The following MGRN1 variants were observed in gnomAD, a reference collection of about 807,000 sequenced individuals.
The protein encoded by MGRN1 is mahogunin ring finger 1, also known as E3 ubiquitin-protein ligase MGRN1.
In MGRN1, 29 loss-of-function variants were observed where a neutral mutation model predicts 69.2. That is an observed-to-expected ratio of 0.42 (90% CI 0.31 to 0.57). The LOEUF is 0.57. Among genes scored for constraint, MGRN1 ranks in the 20% least tolerant of loss-of-function variants. The pLI is 0.15. For missense variants in MGRN1, 998 were observed against 796.2 expected (o/e 1.25, Z -3.05); for synonymous variants, 470 against 344.2 (o/e 1.37, Z -4.04).
intron 1 of MGRN1, among the ~76,000 whole-genome samples, chr16:4,641,962 T>C (rs2078169070): frequency 6.6e-6 from 1 of 152,044 alleles, no homozygotes; most frequent in Non-Finnish European, 1.5e-5. Context: ...GCCTGGATTC[T>C]CTGTGAGGTG....
intron 1 of MGRN1, among the ~76,000 whole-genome samples, chr16:4,635,191 C>T (rs558614689): frequency 2.6e-5 from 4 of 152,112 alleles, no homozygotes; most frequent in Non-Finnish European, 4.4e-5. Context: ...GCAGGCGGAT[C>T]ACTTGAGGTC....
rs556662537 is a variant in MGRN1 at position 4,629,664 on chromosome 16, G to A, written c.88+4616G>A. Among the ~76,000 whole-genome samples, 64 of 151,924 alleles carry A rather than the reference G, an allele frequency of 4.2e-4. 2 individuals carry two copies. In the South Asian group the frequency reaches 0.013, roughly 31 times the overall value. ...TGAGGCAGGAGAATTGTTTGAACCC[G>A]GGAGGCGGGGGTTGCAGTGAGCCTA... On this transcript the variant is annotated intron_variant, in intron 1 of 16. Coordinates refer to ENST00000262370, the MANE Select transcript of MGRN1 (RefSeq NM_015246.4).
At chr16:4,687,541 C>CA in intron 16 of MGRN1, 1 of 977,264 alleles carries the variant, frequency 1.0e-6, no homozygotes, top group Non-Finnish European at 1.2e-6. Context: ...CCCACCCACC[C>CA]ACTCCAGCCT....
rs985248851 is a variant in MGRN1, at chr16:4,689,403, G to A, written c.*495G>A. 3.2e-5 allele frequency: 5 copies of A among 154,066 alleles called. No individual in the cohort carries two copies. The highest frequency in any genetic ancestry group is 2.0e-4 in the South Asian group (1 of 4,932). 9.5% of individuals were successfully genotyped at this position (154,066 alleles called of 1,614,324 possible). A position where few individuals can be genotyped will look rare whatever the true frequency, so the allele number is the denominator to read the frequency against. On this transcript the variant is annotated 3_prime_UTR_variant, in exon 17 of 17. Coordinates refer to ENST00000262370, the MANE Select transcript of MGRN1 (RefSeq NM_015246.4). Reference sequence around the variant, plus strand: ...CACCCACCCTGCGTGTCACTGTGGCGGCCTGGCTGTCGCTGCTTTTTGTCC... The same window carrying A: ...CACCCACCCTGCGTGTCACTGTGGCAGCCTGGCTGTCGCTGCTTTTTGTCC...
chr16:4,625,175 G>C, intron 1 of MGRN1, 127 bp downstream of exon 1: 1 of 904,632 alleles, frequency 1.1e-6, no homozygotes, highest in Non-Finnish European at 1.5e-6. Flanking sequence ...GCTACCCCGA[G>C]CCTTCGCGCG....
intron 15 of MGRN1, among the ~76,000 whole-genome samples, 177 bp downstream of exon 15, chr16:4,683,446 A>C (rs1220170605): frequency 6.6e-6 from 1 of 152,110 alleles, no homozygotes; most frequent in East Asian, 1.9e-4. Flanking sequence ...TGAACGGGTG[A>C]CTGGGTCAGG....
intron 8 of MGRN1, among the ~76,000 whole-genome samples, chr16:4,668,955 GAC>G (rs556560919): frequency 4.5e-4 from 69 of 151,718 alleles, no homozygotes; most frequent in Non-Finnish European, 8.4e-4. Context: ...CATATACATA[GAC>G]ACACTCATAC....
chr16:4,637,641 G>A (rs2078062613), intron 1 of MGRN1, among the ~76,000 whole-genome samples: 2 of 152,314 alleles, frequency 1.3e-5, no homozygotes, highest in South Asian at 2.1e-4. Flanking sequence ...TGGAAGCTGC[G>A]GGAACCCAGA....
intron 5 of MGRN1, among the ~76,000 whole-genome samples, chr16:4,657,738 C>CTTTTTTT (rs1157518931): frequency 5.2e-5 from 4 of 76,998 alleles, no homozygotes; most frequent in Non-Finnish European, 7.4e-5. Flanking sequence ...TGCAGACATC[C>CTTTTTTT]TTTTTTTTTT....
At chr16:4,642,294 TTTTATTTA>T (rs1186302505) in intron 1 of MGRN1, among the ~76,000 whole-genome samples, 7 of 151,698 alleles carry the variant, frequency 4.6e-5, no homozygotes, top group Non-Finnish European at 2.9e-5. Context: ...ATTTTTGTAT[TTTTATTTA>T]TTTATTTATT....
intron 1 of MGRN1, among the ~76,000 whole-genome samples, chr16:4,641,967 G>A (rs1210262050): frequency 6.6e-6 from 1 of 151,970 alleles, no homozygotes; most frequent in Non-Finnish European, 1.5e-5. Flanking sequence ...GATTCTCTGT[G>A]AGGTGTTTCC....
In MGRN1 at chr16:4,673,526, GCAA is replaced by G. The variant is rs1279534720; in HGVS notation, c.826_828del (p.Asn276del). ...TCGGACGACGAGAACAGCGACAACA[GCAA>G]CGAGTGTGTGGTGTGCCTGTCCGAC... On this transcript the variant is annotated inframe_deletion, in exon 10 of 17. Transcript: ENST00000262370. 2.5e-6 allele frequency: 4 copies of G among 1,613,556 alleles called. No individual in the cohort carries two copies. Among genetic ancestry groups the G allele is most frequent in the Non-Finnish European group, 3.4e-6 (4 of 1,179,986 alleles).
intron 16 of MGRN1, 133 bp from the exon 17 acceptor site, chr16:4,688,663 C>G: frequency 6.9e-7 from 1 of 1,441,938 alleles, no homozygotes; most frequent in Admixed American, 2.8e-5. Context: ...TGAGTGAATG[C>G]TGTTGTGGCC....
At chr16:4,630,108 T>C (rs1897922773) in intron 1 of MGRN1, among the ~76,000 whole-genome samples, 1 of 149,648 alleles carries the variant, frequency 6.7e-6, no homozygotes, top group Non-Finnish European at 1.5e-5. Flanking sequence ...TCCTAGCACT[T>C]TGGGAGACTG....
At chr16:4,638,369 G>A (rs2078078372) in intron 1 of MGRN1, among the ~76,000 whole-genome samples, 1 of 152,096 alleles carries the variant, frequency 6.6e-6, no homozygotes, top group Non-Finnish European at 1.5e-5. Flanking sequence ...GAAGGCTGAG[G>A]CAGGAGAATC....
chr16:4,635,294 G>A (rs1289195933), intron 1 of MGRN1, among the ~76,000 whole-genome samples: 1 of 152,004 alleles, frequency 6.6e-6, no homozygotes, highest in Admixed American at 6.6e-5. Context: ...GTGCACACCT[G>A]TAATCCCAGC....
rs115049372 is a variant in MGRN1 at position 4,663,904 on chromosome 16, C to A, written c.562-805C>A. On this transcript the variant is annotated intron_variant, in intron 5 of 16. Transcript: ENST00000262370. ...GTGGGATGAACGCAAGAGGAAGCTT[C>A]TCTTTGGACTCAAGCCAGCCTCGTG... Among the ~76,000 whole-genome samples the A allele has an allele frequency of 6.1e-3, 922 of 152,354 alleles. 12 individuals carry two copies. Among genetic ancestry groups the A allele is most frequent in the African/African-American group, 0.02 (850 of 41,576 alleles).
At chr16:4,673,953 T>C (rs1306655530) in intron 10 of MGRN1, among the ~76,000 whole-genome samples, 1 of 152,188 alleles carries the variant, frequency 6.6e-6, no homozygotes, top group African/African-American at 2.4e-5. Context: ...GAACGAAAAT[T>C]GATGAGTGAA....
At chr16:4,625,762 G>C (rs1297425004) in intron 1 of MGRN1, among the ~76,000 whole-genome samples, 1 of 152,216 alleles carries the variant, frequency 6.6e-6, no homozygotes, top group African/African-American at 2.4e-5. Flanking sequence ...CTCTCTTTCT[G>C]CCTCTATTGA....
Sources: gnomAD v4.1 joint callset for allele counts (sites outside exome capture counted in the v4.1 genomes callset) on GRCh38, gnomAD v4.1.1 for gene constraint, MANE v1.5 for transcripts, NCBI Gene and HGNC (gene_info 2026-07-23, HGNC 2026-07-21) for gene names.